Variants in MCM9 observed in about 807,000 individuals in gnomAD.
MCM9 encodes the protein DNA helicase MCM9.
Under a neutral mutation model 72.8 loss-of-function variants are expected in MCM9, and 55 were observed. The observed-to-expected ratio is 0.76, with a 90% CI of 0.61 to 0.95. The LOEUF (loss-of-function observed/expected upper bound fraction) is 0.95. Ranked by LOEUF, MCM9 falls within the 40% of genes least tolerant of loss-of-function variation. MCM9 has a pLI of 0.00. For synonymous variants in MCM9, 480 were observed against 503.4 expected (o/e 0.95, Z 0.62); for missense variants, 1,279 against 1,377.0 (o/e 0.93, Z 1.13).
At position 118,826,273 on chromosome 6, in the gene MCM9, C is replaced by T. The variant is rs1243196248; in HGVS notation, c.1835G>A (p.Gly612Asp). 3.2e-6 allele frequency: 5 copies of T among 1,550,104 alleles called. No individual in the cohort carries two copies. The highest frequency in any genetic ancestry group is 3.3e-4 in the Middle Eastern group (2 of 6,006). The change falls in exon 13 of 14, where the codon GGT becomes GAT. Residue 612 changes from glycine to aspartate, a missense_variant. By Grantham distance (94) the Gly-to-Asp change is moderately conservative. Coordinates refer to ENST00000619706, the MANE Select transcript of MCM9 (RefSeq NM_017696.3). ...AAAGGAAGTGTGGAGGGCATTCACA[C>T]CTCCTAGCAGTGCACCTCCCTGAAG... ...SSMQGGALLGGVNALHTSFPE... is the reference protein window; with the variant it reads ...SSMQGGALLGDVNALHTSFPE...
intron 3 of MCM9, 106 bp from the exon 4 acceptor site, chr6:118,924,233 GAA>G (rs1257550147): frequency 1.0e-6 from 1 of 993,740 alleles, no homozygotes; most frequent in Non-Finnish European, 1.5e-6. Flanking sequence ...ATTTCAGGGG[GAA>G]AAAAAAGATT....
rs1236120772 is a variant in MCM9 at position 118,814,394 on chromosome 6, A to C, written c.*430T>G. ...AGCCCATTCCAGGTGAAAATACAAA[A>C]AAAAAAAAAAAAAGTAGAAAAGAGT... On this transcript the variant is annotated 3_prime_UTR_variant, in exon 14 of 14. Transcript: ENST00000619706. 6.5e-6 allele frequency: 1 copy of C among 153,640 alleles called. No individual in the cohort carries two copies. The highest frequency in any genetic ancestry group is 2.4e-5 in the African/African-American group (1 of 41,412). 9.5% of individuals were successfully genotyped at this position (153,640 alleles called of 1,614,324 possible).
chr6:118,895,861 T>A (rs970637941), intron 8 of MCM9, among the ~76,000 whole-genome samples: 4 of 152,120 alleles, frequency 2.6e-5, no homozygotes, highest in Non-Finnish European at 5.9e-5. Context: ...AACTAGTTTT[T>A]AATCTCTAAA....
At chr6:118,834,543 C>A (rs980463580) in intron 9 of MCM9, among the ~76,000 whole-genome samples, 1 of 152,080 alleles carries the variant, frequency 6.6e-6, no homozygotes, top group Non-Finnish European at 1.5e-5. Context: ...GTTTAATGAT[C>A]ACCATTCTAA....
At chr6:118,893,238 G>T (rs1779065813) in intron 8 of MCM9, among the ~76,000 whole-genome samples, 1 of 152,146 alleles carries the variant, frequency 6.6e-6, no homozygotes, top group Non-Finnish European at 1.5e-5. Flanking sequence ...GCAAGCAAGG[G>T]CTCCTCAGAA....
chr6:118,927,363 G>A (rs929800530), intron 3 of MCM9, among the ~76,000 whole-genome samples: 4 of 152,132 alleles, frequency 2.6e-5, no homozygotes, highest in African/African-American at 9.7e-5. Flanking sequence ...CAGCACTTTG[G>A]GAGGCCGAGG....
intron 2 of MCM9, 133 bp downstream of exon 2, chr6:118,932,474 T>G (rs1248944229): frequency 2.8e-6 from 1 of 362,852 alleles, no homozygotes; most frequent in Non-Finnish European, 3.8e-6. Context: ...TCAGTAACAG[T>G]GGAGTTCTTT....
At chr6:118,907,681 CGTAA>C in intron 8 of MCM9, 13 of 1,262,664 alleles carry the variant, frequency 1.0e-5, no homozygotes, top group Non-Finnish European at 1.3e-5. Flanking sequence ...CCTGAAATTC[CGTAA>C]GTACATAGTC....
At chr6:118,894,963 G>A (rs1562427162) in intron 8 of MCM9, among the ~76,000 whole-genome samples, 1 of 152,148 alleles carries the variant, frequency 6.6e-6, no homozygotes, top group Non-Finnish European at 1.5e-5. Flanking sequence ...ATCTTACCCC[G>A]AGTCGAGAAT....
chr6:118,836,943 T>A (rs757132206), intron 9 of MCM9, among the ~76,000 whole-genome samples: 1 of 152,208 alleles, frequency 6.6e-6, no homozygotes, highest in African/African-American at 2.4e-5. Context: ...ATTGCTTCTC[T>A]AGTTCTTTCA....
At chr6:118,898,221 A>G (rs1327826870) in intron 8 of MCM9, among the ~76,000 whole-genome samples, 1 of 152,134 alleles carries the variant, frequency 6.6e-6, no homozygotes. Context: ...CTACATGATG[A>G]AGCTGTTGAG....
Position 118,932,714 on chromosome 6 carries a change from G to C in MCM9, c.-123C>G. 1.6e-6 allele frequency: 1 copy of C among 623,136 alleles called. No individual in the cohort carries two copies. Among genetic ancestry groups the C allele is most frequent in the South Asian group, 7.1e-5 (1 of 14,184 alleles). The allele number at this position is 623,136 out of a possible 1,614,324, so 38.6% of individuals were successfully genotyped here. ...TCCTTCTTTCTCTTTCTTACCGTAG[G>C]AAATCTACTGGGTTCTGCAGAAACA... On this transcript the variant is annotated 5_prime_UTR_variant, in exon 2 of 14. Transcript: ENST00000619706.
intron 6 of MCM9, 65 bp from the exon 7 acceptor site, chr6:118,913,485 T>C: frequency 6.3e-7 from 1 of 1,598,538 alleles, no homozygotes; most frequent in Admixed American, 1.7e-5. Flanking sequence ...GAAATTTCCC[T>C]TCCTTTCCTA....
At chr6:118,894,102 C>A (rs1344430426) in intron 8 of MCM9, 4 of 1,144,750 alleles carry the variant, frequency 3.5e-6, no homozygotes, top group Non-Finnish European at 4.3e-6. Context: ...ATTCCGGGAG[C>A]GGGAGCCCAT....
Position 118,880,322 on chromosome 6 carries a change from T to C in MCM9, c.1151-23777A>G, listed in dbSNP as rs968632381. Among the ~76,000 whole-genome samples, 13 of 152,278 alleles carry C rather than the reference T, an allele frequency of 8.5e-5. No individual in the cohort carries two copies. The East Asian group carries it at 2.3e-3, about 27-fold the overall frequency. On this transcript the variant is annotated intron_variant, in intron 8 of 13. Transcript: ENST00000619706. The stretch of plus-strand genomic sequence containing the variant: ...AGGAACTGTTGGAAACTCGAGGTGT[T>C]TGAAGAGGAATGAGCTGCCTTACAA...
intron 8 of MCM9, among the ~76,000 whole-genome samples, chr6:118,886,347 GAA>G (rs929798296): frequency 6.7e-6 from 1 of 149,928 alleles, no homozygotes; most frequent in African/African-American, 2.5e-5. Flanking sequence ...GGGCCAAAAA[GAA>G]AAAAGAGAGA....
chr6:118,914,722 A>G (rs2114280955), intron 6 of MCM9, among the ~76,000 whole-genome samples: 1 of 152,332 alleles, frequency 6.6e-6, no homozygotes, highest in Admixed American at 6.5e-5. Flanking sequence ...AACAGGTTCA[A>G]GAGTAGGCAA....
intron 7 of MCM9, 158 bp from the exon 8 acceptor site, chr6:118,911,927 A>AC: frequency 1.8e-6 from 1 of 570,946 alleles, no homozygotes; most frequent in South Asian, 2.4e-5. Flanking sequence ...ACTGTCATAA[A>AC]CAGTCCTTAA....
intron 9 of MCM9, among the ~76,000 whole-genome samples, chr6:118,838,450 C>T (rs183857252): frequency 7.1e-4 from 107 of 150,952 alleles, no homozygotes; most frequent in African/African-American, 2.2e-3. Flanking sequence ...CCTGCCACCA[C>T]GCCCGGCTTT....
Sources: allele counts gnomAD v4.1 joint callset (sites outside exome capture counted in the v4.1 genomes callset), GRCh38; gene constraint gnomAD v4.1.1; transcripts MANE v1.5; gene names NCBI Gene and HGNC (gene_info 2026-07-23, HGNC 2026-07-21).